Variants in BID observed in about 807,000 individuals in gnomAD.
BID encodes the protein BH3 interacting domain death agonist.
BID carries 19 observed loss-of-function variants against 17.4 expected under a neutral mutation model. The ratio of observed to expected loss-of-function variants is 1.09; its 90% CI spans 0.76 to 1.60. The LOEUF (loss-of-function observed/expected upper bound fraction) is 1.60, where lower values mean the gene tolerates loss of function less well. Among genes scored for constraint, BID ranks in the 40% most tolerant of loss-of-function variants. BID has a pLI of 0.00. For synonymous variants in BID, 108 were observed against 102.8 expected (o/e 1.05, Z -0.31); for missense variants, 226 against 256.0 (o/e 0.88, Z 0.80).
chr22:17,752,895 G>A (rs764959939), intron 1 of BID, among the ~76,000 whole-genome samples: 8 of 150,926 alleles, frequency 5.3e-5, no homozygotes, highest in Non-Finnish European at 1.2e-4. Context: ...TGGATCTCCT[G>A]ACCTCGTGAT....
intron 1 of BID, among the ~76,000 whole-genome samples, chr22:17,758,682 G>A (rs1362631269): frequency 2.0e-5 from 3 of 152,180 alleles, no homozygotes; most frequent in African/African-American, 4.8e-5. Flanking sequence ...CTATCTCCAA[G>A]GGGTGCCCAG....
At chr22:17,771,399 G>A (rs935642652) in intron 1 of BID, among the ~76,000 whole-genome samples, 1 of 151,990 alleles carries the variant, frequency 6.6e-6, no homozygotes, top group Admixed American at 6.6e-5. Context: ...GCGCCCGGCT[G>A]GTCTTTCCCC....
intron 1 of BID, among the ~76,000 whole-genome samples, chr22:17,759,534 A>G (rs1425860097): frequency 3.3e-5 from 5 of 152,030 alleles, no homozygotes; most frequent in Non-Finnish European, 4.4e-5. Context: ...CCTGGGTGAC[A>G]GAGTGAGACC....
At chr22:17,752,964 CTTTTTTTTTTTT>C (rs34597946) in intron 1 of BID, among the ~76,000 whole-genome samples, 1 of 85,186 alleles carries the variant, frequency 1.2e-5, no homozygotes, top group African/African-American at 4.8e-5. Flanking sequence ...CGCGCCCAGT[CTTTTTTTTTTTT>C]TTTTTTTTGA....
At chr22:17,739,665 A>C in intron 3 of BID, 177 bp from the exon 4 acceptor site, 1 of 841,324 alleles carries the variant, frequency 1.2e-6, no homozygotes, top group Non-Finnish European at 1.8e-6. Flanking sequence ...ACCAGCGCTG[A>C]GCTGGGTTCT....
chr22:17,749,987 T>C, intron 2 of BID, 118 bp downstream of exon 2: 1 of 999,592 alleles, frequency 1.0e-6, no homozygotes, highest in Non-Finnish European at 1.5e-6. Context: ...TGCCGAGCTG[T>C]GGTAAGGGCC....
intron 1 of BID, among the ~76,000 whole-genome samples, chr22:17,755,983 T>G (rs1035985694): frequency 7.9e-5 from 12 of 152,042 alleles, no homozygotes; most frequent in Non-Finnish European, 1.6e-4. Context: ...GTCTCCTGCC[T>G]CAGCCTCCTG....
chr22:17,760,387 G>A (rs965950066), intron 1 of BID, among the ~76,000 whole-genome samples: 10 of 148,684 alleles, frequency 6.7e-5, no homozygotes, highest in East Asian at 2.0e-4. Context: ...AGGAGGCGGG[G>A]GTTGCAGTGA....
At chr22:17,735,926 C>T (rs1257410333) in intron 5 of BID, among the ~76,000 whole-genome samples, 4 of 152,196 alleles carry the variant, frequency 2.6e-5, no homozygotes, top group African/African-American at 9.6e-5. Flanking sequence ...CCCTTTCCCC[C>T]TTTACATGGG....
rs1211882746 is a variant in BID at position 17,769,856 on chromosome 22, A to T, written c.-59+4525T>A. On this transcript the variant is annotated intron_variant, in intron 1 of 5. Transcript: ENST00000622694. This position sits in a 1 kb window ranked among gnomAD's most constrained non-coding sequence, Gnocchi z 4.8. ...GGTGCAGGAGCCACTCCCAGTCCCA[A>T]TACCAGGCCTGGTCACGTGGTGCCC... is the stretch of plus-strand genomic sequence containing the variant. Among the ~76,000 whole-genome samples the T allele has an allele frequency of 6.6e-6, 1 of 152,050 alleles. No individual in the cohort carries two copies. Among genetic ancestry groups the T allele is most frequent in the Non-Finnish European group, 1.5e-5 (1 of 67,990 alleles).
intron 1 of BID, among the ~76,000 whole-genome samples, chr22:17,772,209 T>C (rs934413554): frequency 6.6e-6 from 1 of 152,242 alleles, no homozygotes; most frequent in Non-Finnish European, 1.5e-5. Context: ...TTCAGCTCCA[T>C]CAGTGTCTTC....
chr22:17,759,340 C>T (rs919454716), intron 1 of BID, among the ~76,000 whole-genome samples: 2 of 151,538 alleles, frequency 1.3e-5, no homozygotes, highest in Admixed American at 6.6e-5. Context: ...AGGTGGATCA[C>T]TTGAGGTCAG....
At chr22:17,760,002 T>C (rs936600274) in intron 1 of BID, among the ~76,000 whole-genome samples, 1 of 149,946 alleles carries the variant, frequency 6.7e-6, no homozygotes, top group Non-Finnish European at 1.5e-5. Context: ...GGCGTGGTGG[T>C]GGGCACCTGT....
chr22:17,774,535 CGCCCCCGGCG>C (rs2061746442), upstream of BID: 1 of 159,510 alleles, frequency 6.3e-6, no homozygotes, highest in South Asian at 1.9e-4. Flanking sequence ...CGCCCCGGCC[CGCCCCCGGCG>C]GCTTGCGGGG....
At chr22:17,774,510 G>A (rs986554133), upstream of BID, 31 of 207,050 alleles carry the variant, frequency 1.5e-4, 1 homozygote, top group African/African-American at 7.1e-4. Context: ...CCCCACGCCC[G>A]GGCCCGCCCC....
chr22:17,774,403 G>T lies in BID; in HGVS notation c.-81C>A. On this transcript the variant is annotated 5_prime_UTR_variant, in exon 1 of 6. Transcript: ENST00000622694. ...CACCACCCTCCAGCCGCGGGGGCGC[G>T]GGCGCGTCCGGGCCGAGGCAGCGTC... 4 of 247,714 alleles carry T rather than the reference G, an allele frequency of 1.6e-5. No individual in the cohort carries two copies. The highest frequency in any genetic ancestry group is 3.5e-5 in the South Asian group (1 of 28,360). The allele number at this position is 247,714 out of a possible 1,614,324, so 15.3% of individuals were successfully genotyped here.
At chr22:17,754,417 C>A (rs1318088675) in intron 1 of BID, among the ~76,000 whole-genome samples, 1 of 152,266 alleles carries the variant, frequency 6.6e-6, no homozygotes, top group African/African-American at 2.4e-5. Flanking sequence ...CTCCAGGGTG[C>A]CCAGGGAGGG....
In BID at chr22:17,738,325, T is replaced by C. The variant is rs996868952; in HGVS notation, c.364-96A>G. ...ATGAAGAAGCACTTCAAAGTACTTA[T>C]TAAGTATCCAGGGCTGCTGGGCGGA... On this transcript the variant is annotated intron_variant, in intron 4 of 5. Transcript: ENST00000622694. 1.4e-5 allele frequency: 16 copies of C among 1,178,802 alleles called. No homozygotes were observed. In the East Asian group the frequency reaches 2.7e-4, roughly 20 times the overall value. 73.0% of individuals were successfully genotyped at this position (1,178,802 alleles called of 1,614,324 possible). A position where few individuals can be genotyped will look rare whatever the true frequency, so the allele number is the denominator to read the frequency against.
At chr22:17,751,576 T>C (rs1293195713) in intron 1 of BID, among the ~76,000 whole-genome samples, 4 of 151,910 alleles carry the variant, frequency 2.6e-5, no homozygotes, top group South Asian at 2.1e-4. Flanking sequence ...CCTGAATACA[T>C]AGGAAATAAA....
Sources: gnomAD v4.1 joint callset for allele counts (sites outside exome capture counted in the v4.1 genomes callset) on GRCh38, gnomAD v4.1.1 for gene constraint, Gnocchi (gnomAD v3.1) non-coding constraint, MANE v1.5 for transcripts, NCBI Gene and HGNC (gene_info 2026-07-23, HGNC 2026-07-21) for gene names.